The following UEVLD variants were observed in gnomAD, a reference collection of about 807,000 sequenced individuals.
UEVLD encodes the protein UEV and lactate/malate dehyrogenase domains.
A neutral mutation model predicts 58.6 loss-of-function variants in UEVLD; 47 were observed. The ratio of observed to expected loss-of-function variants is 0.80; its 90% CI spans 0.63 to 1.02. UEVLD has a LOEUF of 1.02. Ranked by LOEUF, UEVLD falls within the 50% of genes least tolerant of loss-of-function variation. The pLI, the probability that UEVLD is intolerant of heterozygous loss-of-function variation, is 0.00. For missense variants in UEVLD, 510 were observed against 550.6 expected (o/e 0.93, Z 0.74); for synonymous variants, 197 against 195.3 (o/e 1.01, Z -0.07).
chr11:18,547,732 G>A (rs1851361324), intron 7 of UEVLD, among the ~76,000 whole-genome samples: 1 of 152,112 alleles, frequency 6.6e-6, no homozygotes, highest in East Asian at 1.9e-4. Context: ...GTGCCCTAAA[G>A]TTCCTTGAAA....
chr11:18,534,779 G>A (rs1216014805), intron 10 of UEVLD, among the ~76,000 whole-genome samples: 2 of 152,160 alleles, frequency 1.3e-5, no homozygotes, highest in East Asian at 3.8e-4. Flanking sequence ...TAACTAATTT[G>A]GAGAAACTGT....
At chr11:18,536,103 C>G (rs56104322) in intron 10 of UEVLD, among the ~76,000 whole-genome samples, 30,656 of 152,182 alleles carry the variant, frequency 0.2, 3,239 homozygotes, top group East Asian at 0.25. Flanking sequence ...CACTGCACTC[C>G]AGCCTGGTGA....
intron 6 of UEVLD, among the ~76,000 whole-genome samples, chr11:18,559,984 C>T (rs552978731): frequency 4.6e-5 from 7 of 151,562 alleles, no homozygotes; most frequent in South Asian, 2.1e-4. Context: ...TGGCTGGGCA[C>T]GGTGGTTCAC....
At chr11:18,537,801 T>C (rs1739133396) in intron 9 of UEVLD, among the ~76,000 whole-genome samples, 1 of 152,050 alleles carries the variant, frequency 6.6e-6, no homozygotes, top group Non-Finnish European at 1.5e-5. Context: ...TAGCTGGGAT[T>C]ACAGGTGCCT....
At chr11:18,575,994 C>T (rs1852887759) in intron 2 of UEVLD, among the ~76,000 whole-genome samples, 2 of 152,042 alleles carry the variant, frequency 1.3e-5, no homozygotes, top group African/African-American at 4.8e-5. Context: ...TTTAAAAATC[C>T]AAAGGGAGGG....
intron 4 of UEVLD, 43 bp downstream of exon 4, chr11:18,570,168 TAAA>T (rs11445836): frequency 6.3e-5 from 87 of 1,379,714 alleles, no homozygotes; most frequent in Admixed American, 1.5e-4. Context: ...GATAGGTATT[TAAA>T]AAAAAAAAAA....
intron 1 of UEVLD, among the ~76,000 whole-genome samples, chr11:18,582,642 C>T (rs1328049045): frequency 7.2e-5 from 11 of 151,846 alleles, no homozygotes; most frequent in Non-Finnish European, 1.2e-4. Flanking sequence ...GCCTTATTTT[C>T]ACTACATATT....
At chr11:18,578,575 A>T in intron 2 of UEVLD, 149 bp downstream of exon 2, 2 of 638,292 alleles carry the variant, frequency 3.1e-6, no homozygotes, top group Non-Finnish European at 5.5e-6. Flanking sequence ...GTATTAATTT[A>T]AGCTTTCTCA....
intron 5 of UEVLD, 113 bp from the exon 6 acceptor site, chr11:18,565,123 G>C: frequency 1.4e-6 from 1 of 698,930 alleles, no homozygotes; most frequent in Non-Finnish European, 2.3e-6. Flanking sequence ...TATGGTGCTA[G>C]TCCATAATGG....
At chr11:18,571,450 A>G (rs1457340132) in intron 3 of UEVLD, among the ~76,000 whole-genome samples, 1 of 152,204 alleles carries the variant, frequency 6.6e-6, no homozygotes, top group Admixed American at 6.5e-5. Flanking sequence ...TTGCATTTTA[A>G]CAGCCCATGA....
chr11:18,535,259 T>G (rs1482367100), intron 10 of UEVLD, among the ~76,000 whole-genome samples: 1 of 152,146 alleles, frequency 6.6e-6, no homozygotes, highest in Non-Finnish European at 1.5e-5. Context: ...GAAAAAAAAT[T>G]TTTTGGACAT....
intron 1 of UEVLD, among the ~76,000 whole-genome samples, chr11:18,585,983 T>C (rs928774868): frequency 3.9e-5 from 6 of 152,210 alleles, no homozygotes; most frequent in Non-Finnish European, 2.9e-5. Context: ...TCCTTGGCCT[T>C]CTGCTCTTCT....
rs896657678 is a variant in UEVLD, at chr11:18,544,873, A to C, written c.887-77T>G. 4 of 1,146,290 alleles carry C rather than the reference A, an allele frequency of 3.5e-6. No homozygotes were observed. In the African/African-American group the frequency reaches 4.9e-5, roughly 14 times the overall value. The allele number at this position is 1,146,290 out of a possible 1,614,324, so 71.0% of individuals were successfully genotyped here. ...CTAGCCTAGCTCACAAATATTTATTATTTTAATAAGTATATTAGGTCCTCA... is the reference window on the plus strand; with the variant it reads ...CTAGCCTAGCTCACAAATATTTATTCTTTTAATAAGTATATTAGGTCCTCA... On this transcript the variant is annotated intron_variant, in intron 8 of 11. Transcript: ENST00000396197.
intron 7 of UEVLD, 98 bp from the exon 8 acceptor site, chr11:18,547,148 C>G (rs1466285652): frequency 3.0e-5 from 37 of 1,250,770 alleles, no homozygotes; most frequent in Non-Finnish European, 3.9e-5. Context: ...AATAAGAGAG[C>G]TTTTAGGCAC....
intron 7 of UEVLD, among the ~76,000 whole-genome samples, chr11:18,550,533 T>C (rs2133986072): frequency 1.3e-5 from 2 of 152,348 alleles, no homozygotes; most frequent in South Asian, 4.1e-4. Flanking sequence ...GCATAGCAAC[T>C]GGAACATTTC....
At chr11:18,541,953 A>C (rs1851073542) in intron 9 of UEVLD, among the ~76,000 whole-genome samples, 1 of 152,148 alleles carries the variant, frequency 6.6e-6, no homozygotes, top group Non-Finnish European at 1.5e-5. Context: ...CCCTAAAACA[A>C]AATGTAATAG....
chr11:18,540,403 T>C (rs1003030126), intron 9 of UEVLD, among the ~76,000 whole-genome samples: 1 of 152,190 alleles, frequency 6.6e-6, no homozygotes, highest in African/African-American at 2.4e-5. Flanking sequence ...TTGGTATCTA[T>C]ACATGAAACC....
chr11:18,547,324 A>G (rs1279176956), intron 7 of UEVLD, among the ~76,000 whole-genome samples: 2 of 152,230 alleles, frequency 1.3e-5, no homozygotes, highest in Admixed American at 6.5e-5. Flanking sequence ...CCAGGAGTTC[A>G]AGACCAGCCT....
chr11:18,565,178 T>C (rs1039929388), intron 5 of UEVLD, among the ~76,000 whole-genome samples, 168 bp from the exon 6 acceptor site: 2 of 152,188 alleles, frequency 1.3e-5, no homozygotes, highest in Non-Finnish European at 2.9e-5. Context: ...AGGCAGACGT[T>C]TCCTATTAAA....
Sources: gnomAD v4.1 joint callset for allele counts (sites outside exome capture counted in the v4.1 genomes callset) on GRCh38, gnomAD v4.1.1 for gene constraint, MANE v1.5 for transcripts, NCBI Gene and HGNC (gene_info 2026-07-23, HGNC 2026-07-21) for gene names.